Variants in MTUS2 observed in about 807,000 individuals in gnomAD.
The protein encoded by MTUS2 is microtubule-associated tumor suppressor candidate 2.
MTUS2 carries 40 observed loss-of-function variants against 114.1 expected under a neutral mutation model. The observed-to-expected ratio is 0.35, with a 90% confidence interval of 0.27 to 0.46. MTUS2 has a LOEUF of 0.46. Among genes scored for constraint, MTUS2 ranks in the 20% least tolerant of loss-of-function variants. MTUS2 has a pLI of 1.00. For missense variants in MTUS2, 1,679 were observed against 1,705.4 expected, an observed-to-expected ratio of 0.98 and a Z score of 0.27; for synonymous variants, 688 against 672.0, an observed-to-expected ratio of 1.02 and a Z score of -0.37.
chr13:29,366,555 C>T (rs903894302), intron 8 of MTUS2, among the ~76,000 whole-genome samples: 1 of 152,200 alleles, frequency 6.6e-6, no homozygotes, highest in Non-Finnish European at 1.5e-5. Context: ...AAGTGCTCTG[C>T]CCTTCCTCAG....
intron 4 of MTUS2, among the ~76,000 whole-genome samples, chr13:29,059,051 C>T (rs928921569): frequency 6.6e-6 from 1 of 152,014 alleles, no homozygotes; most frequent in African/African-American, 2.4e-5. Context: ...ATTCTGAATT[C>T]TATTCCTGTC....
rs145495026 is a variant in MTUS2 at position 29,251,677 on chromosome 13, A to G, written c.2645-30027A>G. On this transcript the variant is annotated intron_variant, in intron 5 of 15. Coordinates refer to ENST00000612955, the MANE Select transcript of MTUS2 (RefSeq NM_001033602.4). ...CTCTATGAATTTGCCTACTCTAGGT[A>G]CCTCCTATGAGTGGAATGATACAGT... is the stretch of plus-strand genomic sequence containing the variant. Among the ~76,000 whole-genome samples the G allele has an allele frequency of 3.9e-5, 6 of 152,242 alleles. No homozygotes were observed. The East Asian group carries it at 1.2e-3, about 29-fold the overall frequency.
intron 6 of MTUS2, among the ~76,000 whole-genome samples, chr13:29,283,669 C>T (rs1297759730): frequency 7.2e-5 from 11 of 152,074 alleles, no homozygotes; most frequent in Admixed American, 7.2e-4. Flanking sequence ...GTTTGGGGCT[C>T]GAGAATTTGC....
At chr13:29,192,957 A>G (rs921217780) in intron 5 of MTUS2, among the ~76,000 whole-genome samples, 1 of 152,192 alleles carries the variant, frequency 6.6e-6, no homozygotes, top group Admixed American at 6.5e-5. Context: ...TTGGATGCCT[A>G]GAGGGTTGGT....
chr13:28,882,592 CTGGGTG>C (rs1878357054), intron 2 of MTUS2, among the ~76,000 whole-genome samples: 1 of 151,916 alleles, frequency 6.6e-6, no homozygotes, highest in Non-Finnish European at 1.5e-5. Flanking sequence ...AAAACATTAC[CTGGGTG>C]TGGTGACATG....
At chr13:28,891,314 G>A (rs1231225209) in intron 2 of MTUS2, among the ~76,000 whole-genome samples, 3 of 152,190 alleles carry the variant, frequency 2.0e-5, no homozygotes, top group Non-Finnish European at 4.4e-5. Context: ...TGGAAAACTG[G>A]TGCTTGTGGT....
intron 5 of MTUS2, among the ~76,000 whole-genome samples, chr13:29,222,586 G>A (rs942500402): frequency 2.0e-5 from 3 of 152,228 alleles, no homozygotes; most frequent in Non-Finnish European, 4.4e-5. Flanking sequence ...AGCTGCAGTG[G>A]GAGAGGCGTA....
At chr13:29,429,990 A>C (rs892876354) in intron 8 of MTUS2, among the ~76,000 whole-genome samples, 1 of 152,232 alleles carries the variant, frequency 6.6e-6, no homozygotes, top group Non-Finnish European at 1.5e-5. Context: ...TAACTACTTC[A>C]GTGGATTTGG....
chr13:29,252,725 A>G (rs1046247847), intron 5 of MTUS2, among the ~76,000 whole-genome samples: 2 of 151,978 alleles, frequency 1.3e-5, no homozygotes, highest in Non-Finnish European at 2.9e-5. Context: ...AAGTCTCACG[A>G]GATCCCTCAT....
At chr13:29,245,115 T>C (rs995242581) in intron 5 of MTUS2, among the ~76,000 whole-genome samples, 37 of 152,272 alleles carry the variant, frequency 2.4e-4, no homozygotes, top group African/African-American at 8.4e-4. Context: ...GATGCCCATG[T>C]TTCTGATGAA....
intron 2 of MTUS2, among the ~76,000 whole-genome samples, chr13:28,842,754 G>A (rs1875597593): frequency 6.6e-6 from 1 of 152,180 alleles, no homozygotes; most frequent in Non-Finnish European, 1.5e-5. Context: ...TTCCTGCAAC[G>A]AATGTTAGAT....
intron 4 of MTUS2, among the ~76,000 whole-genome samples, chr13:29,041,915 T>C (rs1359000288): frequency 6.6e-6 from 1 of 152,084 alleles, no homozygotes. Flanking sequence ...TGGTGAACAG[T>C]GACAGTTTGA....
chr13:29,359,395 C>T lies in MTUS2; in HGVS notation c.3039C>T (p.Gly1013=), dbSNP rs775868363. The change falls in exon 8 of 16, where the codon GGC becomes GGT. Residue 1013 remains glycine, a synonymous_variant. Transcript: ENST00000612955. ...GTGAGCAGCAGACCAGACAGCTGGG[C>T]GTTGCGCAAGGGGAGCTGAAGAGGG... ...ERCEQQTRQL[G]VAQGELKRAI... 1.9e-6 allele frequency: 3 copies of T among 1,613,594 alleles called. No individual in the cohort carries two copies. The highest frequency in any genetic ancestry group is 2.5e-6 in the Non-Finnish European group (3 of 1,179,768).
intron 5 of MTUS2, among the ~76,000 whole-genome samples, chr13:29,138,193 A>C (rs1192598821): frequency 6.6e-6 from 1 of 152,084 alleles, no homozygotes; most frequent in African/African-American, 2.4e-5. Context: ...GGGGATGGGT[A>C]GCTGCTCCTT....
At chr13:28,876,396 C>T (rs566347412) in intron 2 of MTUS2, among the ~76,000 whole-genome samples, 95 of 152,274 alleles carry the variant, frequency 6.2e-4, no homozygotes, top group African/African-American at 2.1e-3. Flanking sequence ...CTGAGCAGTA[C>T]GGCAGGGTTC....
intron 8 of MTUS2, among the ~76,000 whole-genome samples, chr13:29,399,305 A>G (rs909520992): frequency 6.6e-6 from 1 of 152,108 alleles, no homozygotes; most frequent in African/African-American, 2.4e-5. Context: ...AACCTGTTTT[A>G]TCAGCAAGGT....
rs574576020 is a variant in MTUS2, at chr13:28,895,267, T to C, written c.-243+55417T>C. Among the ~76,000 whole-genome samples the C allele has an allele frequency of 4.6e-4, 70 of 152,326 alleles. 1 individual carries two copies. In the South Asian group the frequency reaches 0.014, roughly 31 times the overall value. On this transcript the variant is annotated intron_variant, in intron 2 of 15. Coordinates refer to ENST00000612955, the MANE Select transcript of MTUS2 (RefSeq NM_001033602.4). ...ACAGCATCCCTCTTGGAAGAGAGCA[T>C]GTCCTCTAAGCATTTTATTGTACTA...
At chr13:29,210,867 G>C (rs1342631601) in intron 5 of MTUS2, among the ~76,000 whole-genome samples, 2 of 152,088 alleles carry the variant, frequency 1.3e-5, no homozygotes, top group African/African-American at 2.4e-5. Flanking sequence ...GTCCTTGTTT[G>C]TAGTTTTTAG....
chr13:28,894,458 C>G (rs549089103), intron 2 of MTUS2, among the ~76,000 whole-genome samples: 3 of 152,090 alleles, frequency 2.0e-5, no homozygotes, highest in Admixed American at 2.0e-4. Flanking sequence ...TCACCACAAA[C>G]AAAATCTACT....
Sources: allele counts gnomAD v4.1 joint callset (sites outside exome capture counted in the v4.1 genomes callset), GRCh38; gene constraint gnomAD v4.1.1; transcripts MANE v1.5; gene names NCBI Gene and HGNC (gene_info 2026-07-23, HGNC 2026-07-21).